The following DLGAP1 variants were observed in gnomAD, a reference collection of about 807,000 sequenced individuals.
The protein encoded by DLGAP1 is DLG associated protein 1.
A neutral mutation model predicts 90.8 loss-of-function variants in DLGAP1; 11 were observed. That is an observed-to-expected ratio of 0.12 (90% CI 0.08 to 0.20). The LOEUF (loss-of-function observed/expected upper bound fraction) is 0.20. Ranked by LOEUF, DLGAP1 falls within the 10% of genes least tolerant of loss-of-function variation. DLGAP1 has a pLI of 1.00. For missense variants in DLGAP1, 1,050 were observed against 1,333.8 expected (o/e 0.79, Z 3.31); for synonymous variants, 558 against 540.7 (o/e 1.03, Z -0.44).
Position 4,211,032 on chromosome 18 carries a change from A to G in DLGAP1, c.-266-59745T>C, listed in dbSNP as rs140760534. Among the ~76,000 whole-genome samples, 798 of 152,326 alleles carry G rather than the reference A, an allele frequency of 5.2e-3. 6 individuals carry two copies. The highest frequency in any genetic ancestry group is 0.018 in the African/African-American group (758 of 41,574). On this transcript the variant is annotated intron_variant, in intron 1 of 12. Coordinates refer to ENST00000315677, the MANE Select transcript of DLGAP1 (RefSeq NM_004746.4). ...TGAAGAATAAAATTCAAAGAGAACAATGTAGCTTTATCTACTTATACTACC... is the reference window on the plus strand; with the variant it reads ...TGAAGAATAAAATTCAAAGAGAACAGTGTAGCTTTATCTACTTATACTACC...
At chr18:4,204,525 GTTTTTT>G (rs201782312) in intron 1 of DLGAP1, among the ~76,000 whole-genome samples, 2 of 147,634 alleles carry the variant, frequency 1.4e-5, no homozygotes, top group Non-Finnish European at 3.0e-5. Context: ...TTTTGTTTTT[GTTTTTT>G]TTTCTGACCG....
chr18:4,145,410 T>C (rs758643697), intron 2 of DLGAP1, among the ~76,000 whole-genome samples: 6 of 152,194 alleles, frequency 3.9e-5, no homozygotes, highest in Non-Finnish European at 8.8e-5. Flanking sequence ...ATTTATAGAA[T>C]ATTAAAATAG....
Position 4,168,068 on chromosome 18 carries a change from T to C in DLGAP1, c.-266-16781A>G, listed in dbSNP as rs75958465. On this transcript the variant is annotated intron_variant, in intron 1 of 12. Coordinates refer to ENST00000315677, the MANE Select transcript of DLGAP1 (RefSeq NM_004746.4). ...CTATCAAAATCTTGTCAAGGTCCTATGTAGACATGGAGAAGCTTTTAAAAA... is the reference window on the plus strand; with the variant it reads ...CTATCAAAATCTTGTCAAGGTCCTACGTAGACATGGAGAAGCTTTTAAAAA... 2.2e-3 allele frequency among the ~76,000 whole-genome samples: 329 copies of C among 152,298 alleles called. 6 individuals are homozygous for C. The East Asian group carries it at 0.046, about 21-fold the overall frequency.
At chr18:4,171,586 AG>A (rs926077718) in intron 1 of DLGAP1, among the ~76,000 whole-genome samples, 1 of 151,934 alleles carries the variant, frequency 6.6e-6, no homozygotes, top group African/African-American at 2.4e-5. Context: ...AAGAAAAAAA[AG>A]AAAGTATCTT....
chr18:3,589,190 A>G (rs2056090577), intron 7 of DLGAP1, among the ~76,000 whole-genome samples: 1 of 152,148 alleles, frequency 6.6e-6, no homozygotes, highest in Non-Finnish European at 1.5e-5. Context: ...TCCGTCTGAA[A>G]AAAAGAAAAA....
At position 3,660,165 on chromosome 18, in the gene DLGAP1, C is replaced by CTT. The variant is rs2059638581; in HGVS notation, c.1591+68968_1591+68969dup. On this transcript the variant is annotated intron_variant, in intron 7 of 12. Coordinates refer to ENST00000315677, the MANE Select transcript of DLGAP1 (RefSeq NM_004746.4). The surrounding 1 kb of genome is among the most constrained non-coding windows in gnomAD (Gnocchi z 4.2). ...TTGCTCTTATTTATTTATTTGTTTA[C>CTT]TTAATTTTTATTTTTTAAAAGGATT... is the stretch of plus-strand genomic sequence containing the variant. Among the ~76,000 whole-genome samples the CTT allele has an allele frequency of 6.6e-6, 1 of 152,066 alleles. No individual in the cohort carries two copies. Among genetic ancestry groups the CTT allele is most frequent in the Non-Finnish European group, 1.5e-5 (1 of 68,020 alleles).
intron 12 of DLGAP1, among the ~76,000 whole-genome samples, chr18:3,501,803 G>A (rs959731935): frequency 2.0e-5 from 3 of 152,184 alleles, no homozygotes; most frequent in South Asian, 4.2e-4. Flanking sequence ...ACCCGTGTGA[G>A]CCTCGTGGAA....
rs34093132 is a variant in DLGAP1, at chr18:3,559,624, CTT to C, written c.2057+7864_2057+7865del. Among the ~76,000 whole-genome samples, 178 of 129,868 alleles carry C rather than the reference CTT, an allele frequency of 1.4e-3. 1 individual carries two copies. Among genetic ancestry groups the C allele is most frequent in the African/African-American group, 4.8e-3 (163 of 33,668 alleles). The allele number at this position is 129,868 out of a possible 152,430, so 85.2% of individuals were successfully genotyped here. A position where few individuals can be genotyped will look rare whatever the true frequency, so the allele number is the denominator to read the frequency against. ...ATGCATTTACCACGAATCCAATCCACTTTTTTTTTTTTTTTTTTTGCGGAGTC... is the reference window on the plus strand; with the variant it reads ...ATGCATTTACCACGAATCCAATCCACTTTTTTTTTTTTTTTTTGCGGAGTC... On this transcript the variant is annotated intron_variant, in intron 9 of 12. Transcript: ENST00000315677.
At position 4,134,762 on chromosome 18, in the gene DLGAP1, TA is replaced by T. The variant is rs2076372902; in HGVS notation, c.-159+16417del. 3.3e-5 allele frequency among the ~76,000 whole-genome samples: 5 copies of T among 152,100 alleles called. No individual in the cohort carries two copies. In the South Asian group the frequency reaches 1.0e-3, roughly 32 times the overall value. On this transcript the variant is annotated intron_variant, in intron 2 of 12. Coordinates refer to ENST00000315677, the MANE Select transcript of DLGAP1 (RefSeq NM_004746.4). The stretch of plus-strand genomic sequence containing the variant: ...ACCGAAGACCCAGGAAGCCTTTTAT[TA>T]GGAAAGCTGCCTTGCCAGGACATGA...
chr18:3,703,605 A>G (rs553566094), intron 7 of DLGAP1, among the ~76,000 whole-genome samples: 7 of 152,322 alleles, frequency 4.6e-5, no homozygotes, highest in African/African-American at 7.2e-5. Flanking sequence ...GGGATATTTG[A>G]AAGTTCACTA....
chr18:3,803,115 A>G (rs992566573), intron 5 of DLGAP1, among the ~76,000 whole-genome samples: 1 of 152,080 alleles, frequency 6.6e-6, no homozygotes, highest in Non-Finnish European at 1.5e-5. Flanking sequence ...CACGGCCAAT[A>G]TCAGGCTCCC....
intron 2 of DLGAP1, among the ~76,000 whole-genome samples, chr18:4,054,257 C>T (rs913705145): frequency 4.6e-5 from 7 of 152,102 alleles, no homozygotes; most frequent in Admixed American, 1.3e-4. Context: ...GATAGTATAT[C>T]GGCAGGGAGG....
intron 1 of DLGAP1, among the ~76,000 whole-genome samples, chr18:4,254,457 G>A (rs186888562): frequency 1.0e-3 from 155 of 152,234 alleles, no homozygotes; most frequent in Middle Eastern, 6.8e-3. Flanking sequence ...TGAGATAGCC[G>A]GTTGTTCTTA....
Position 3,565,302 on chromosome 18 carries a change from C to T in DLGAP1, c.2057+2188G>A, listed in dbSNP as rs1368699346. Among the ~76,000 whole-genome samples, 1 of 152,002 alleles carries T rather than the reference C, an allele frequency of 6.6e-6. No homozygotes were observed. Among genetic ancestry groups the T allele is most frequent in the African/African-American group, 2.4e-5 (1 of 41,428 alleles). ...TTCCTGGGATTACAGGAACCCACCACCACGCACAGCTAATTTTTGTAATTT... is the reference window on the plus strand; with the variant it reads ...TTCCTGGGATTACAGGAACCCACCATCACGCACAGCTAATTTTTGTAATTT... On this transcript the variant is annotated intron_variant, in intron 9 of 12. Coordinates refer to ENST00000315677, the MANE Select transcript of DLGAP1 (RefSeq NM_004746.4). This position sits in a 1 kb window ranked among gnomAD's most constrained non-coding sequence, Gnocchi z 4.0.
intron 1 of DLGAP1, among the ~76,000 whole-genome samples, chr18:4,282,252 T>G (rs2079570995): frequency 6.6e-6 from 1 of 151,384 alleles, no homozygotes; most frequent in African/African-American, 2.4e-5. Flanking sequence ...TAGTCTCAGC[T>G]ACTCGGGAGA....
In DLGAP1 at chr18:4,361,715, G is replaced by A. The variant is rs114398061; in HGVS notation, c.-267+93291C>T. Among the ~76,000 whole-genome samples the A allele has an allele frequency of 7.0e-3, 1,071 of 151,934 alleles. 14 individuals carry two copies. Among genetic ancestry groups the A allele is most frequent in the African/African-American group, 0.025 (1,022 of 41,454 alleles). On this transcript the variant is annotated intron_variant, in intron 1 of 12. Transcript: ENST00000315677. ...ACTATTTTTTTGATTAACACAAAAG[G>A]CACAGGCAACAAAAAATAATTTTAT...
At chr18:4,174,718 T>G (rs2077078498) in intron 1 of DLGAP1, among the ~76,000 whole-genome samples, 1 of 152,230 alleles carries the variant, frequency 6.6e-6, no homozygotes, top group Admixed American at 6.5e-5. Flanking sequence ...ACACGTGCCA[T>G]GATGGTTTGC....
intron 5 of DLGAP1, among the ~76,000 whole-genome samples, chr18:3,763,698 T>G (rs765324715): frequency 2.0e-5 from 3 of 151,858 alleles, no homozygotes; most frequent in Non-Finnish European, 4.4e-5. Context: ...AGTTTCACTC[T>G]TGTTGCCCAG....
chr18:3,764,774 T>C (rs2064139639), intron 5 of DLGAP1, among the ~76,000 whole-genome samples: 1 of 152,254 alleles, frequency 6.6e-6, no homozygotes, highest in Admixed American at 6.5e-5. Context: ...ATAGTAATTG[T>C]GCAATCATAT....
Sources: gnomAD v4.1 joint callset for allele counts (sites outside exome capture counted in the v4.1 genomes callset) on GRCh38, gnomAD v4.1.1 for gene constraint, Gnocchi (gnomAD v3.1) non-coding constraint, MANE v1.5 for transcripts, NCBI Gene and HGNC (gene_info 2026-07-23, HGNC 2026-07-21) for gene names.